SOX5: variants seen among roughly 807,000 people sequenced by gnomAD.
SOX5 encodes the protein transcription factor SOX-5.
In SOX5, 9 loss-of-function variants were observed where a neutral mutation model predicts 92.0. The observed-to-expected ratio is 0.10, with a 90% CI of 0.06 to 0.17. The LOEUF is 0.17. Among genes scored for constraint, SOX5 ranks in the 10% least tolerant of loss-of-function variants. The pLI is 1.00. For missense variants in SOX5, 642 were observed against 944.5 expected, an observed-to-expected ratio of 0.68 and a Z score of 4.20; for synonymous variants, 344 against 336.3, an observed-to-expected ratio of 1.02 and a Z score of -0.25.
intron 4 of SOX5, among the ~76,000 whole-genome samples, chr12:24,144,530 G>A (rs916939131): frequency 7.2e-5 from 11 of 152,132 alleles, no homozygotes; most frequent in African/African-American, 2.2e-4. Flanking sequence ...GAAAAGCCAA[G>A]TACAGCAGCT....
intron 8 of SOX5, among the ~76,000 whole-genome samples, chr12:23,605,247 C>T (rs2075098143): frequency 6.6e-6 from 1 of 151,798 alleles, no homozygotes. Context: ...ATAAAATTGT[C>T]CAAGTAATTA....
chr12:24,500,833 T>C (rs1948122258), intron 1 of SOX5, among the ~76,000 whole-genome samples: 2 of 152,160 alleles, frequency 1.3e-5, no homozygotes, highest in Non-Finnish European at 2.9e-5. Flanking sequence ...TCATGCCCTG[T>C]ATAAAAAGGA....
rs145726707 is a variant in SOX5, at chr12:24,415,096, C to T, written c.-250-46457G>A. On this transcript the variant is annotated intron_variant, in intron 1 of 4. Coordinates refer to the SOX5 transcript ENST00000446891. ...TTTTTCACTAGTTCTCTGTGTAAAT[C>T]CCCCCCTGCTAATTTAGAAAAGGCT... Among the ~76,000 whole-genome samples, 232 of 152,176 alleles carry T rather than the reference C, an allele frequency of 1.5e-3. 1 individual carries two copies. Among genetic ancestry groups the T allele is most frequent in the African/African-American group, 5.0e-3 (206 of 41,538 alleles).
chr12:24,112,668 C>G (rs1413401303), intron 4 of SOX5, among the ~76,000 whole-genome samples: 1 of 151,298 alleles, frequency 6.6e-6, no homozygotes, highest in African/African-American at 2.4e-5. Flanking sequence ...GTAGCTGGGA[C>G]TACAGGCATG....
At chr12:24,449,613 C>T (rs933790539) in intron 1 of SOX5, among the ~76,000 whole-genome samples, 3 of 151,962 alleles carry the variant, frequency 2.0e-5, no homozygotes, top group Admixed American at 1.3e-4. Flanking sequence ...GCATCAGACC[C>T]AAAACAGGGC....
intron 9 of SOX5, chr12:23,603,963 C>G: frequency 6.2e-6 from 1 of 160,238 alleles, no homozygotes; most frequent in South Asian, 1.7e-4. Flanking sequence ...CTCTGGCAAA[C>G]TCCTGATGGG....
At chr12:24,128,566 G>A (rs986449238) in intron 4 of SOX5, among the ~76,000 whole-genome samples, 1 of 152,168 alleles carries the variant, frequency 6.6e-6, no homozygotes, top group Non-Finnish European at 1.5e-5. Flanking sequence ...CAGACGTGGT[G>A]AGGCAGATGT....
intron 1 of SOX5, among the ~76,000 whole-genome samples, chr12:24,380,832 A>G (rs1372669085): frequency 6.6e-6 from 1 of 152,236 alleles, no homozygotes; most frequent in Non-Finnish European, 1.5e-5. Flanking sequence ...TCTACAGCAT[A>G]GTTCATATGA....
At chr12:23,873,842 T>C (rs188654209) in intron 2 of SOX5, among the ~76,000 whole-genome samples, 1 of 152,318 alleles carries the variant, frequency 6.6e-6, no homozygotes, top group East Asian at 1.9e-4. Flanking sequence ...AAAAGCCACA[T>C]GTGGTTAACT....
At chr12:24,290,853 C>T (rs1178840505) in intron 2 of SOX5, among the ~76,000 whole-genome samples, 2 of 152,070 alleles carry the variant, frequency 1.3e-5, no homozygotes, top group African/African-American at 2.4e-5. Flanking sequence ...ATAATGAAGG[C>T]GAGTCTTAAA....
chr12:23,926,263 C>G (rs1226074828), intron 1 of SOX5, among the ~76,000 whole-genome samples: 1 of 151,996 alleles, frequency 6.6e-6, no homozygotes, highest in Non-Finnish European at 1.5e-5. Flanking sequence ...ATTTCTCTCA[C>G]CAAATAAATT....
At chr12:24,339,520 T>C (rs968267176) in intron 2 of SOX5, among the ~76,000 whole-genome samples, 5 of 152,060 alleles carry the variant, frequency 3.3e-5, no homozygotes, top group Non-Finnish European at 7.4e-5. Flanking sequence ...TTGTTAGAGA[T>C]TGGGGGACTT....
intron 3 of SOX5, among the ~76,000 whole-genome samples, chr12:23,833,526 C>T (rs891796454): frequency 2.6e-5 from 4 of 151,932 alleles, no homozygotes; most frequent in African/African-American, 7.2e-5. Context: ...GGCCACTAAT[C>T]CATAGGTAAC....
At chr12:24,106,729 T>C (rs1946715333) in intron 4 of SOX5, among the ~76,000 whole-genome samples, 1 of 150,592 alleles carries the variant, frequency 6.6e-6, no homozygotes, top group Non-Finnish European at 1.5e-5. Flanking sequence ...GAGGCGGAGG[T>C]TGCAGTGAGC....
At chr12:23,843,125 T>C (rs2096537195) in intron 3 of SOX5, among the ~76,000 whole-genome samples, 1 of 152,104 alleles carries the variant, frequency 6.6e-6, no homozygotes, top group African/African-American at 2.4e-5. Flanking sequence ...AATAGAGAGA[T>C]ATCCTGCAAT....
chr12:23,607,028 A>T (rs1305864883), intron 8 of SOX5, among the ~76,000 whole-genome samples: 1 of 152,170 alleles, frequency 6.6e-6, no homozygotes, highest in African/African-American at 2.4e-5. Context: ...GATGGCTAAC[A>T]TTAGGTTGCT....
At chr12:24,531,102 T>C (rs1360700737) in intron 1 of SOX5, among the ~76,000 whole-genome samples, 5 of 152,200 alleles carry the variant, frequency 3.3e-5, no homozygotes, top group African/African-American at 1.2e-4. Context: ...ACTGTGCTAG[T>C]CTACAAGTGA....
intron 3 of SOX5, among the ~76,000 whole-genome samples, chr12:23,772,854 A>G (rs1184036336): frequency 6.6e-6 from 1 of 152,238 alleles, no homozygotes; most frequent in Admixed American, 6.5e-5. Flanking sequence ...CATCATGACC[A>G]TATTAAAAAG....
upstream of SOX5, among the ~76,000 whole-genome samples, chr12:23,955,012 G>A (rs1946109683): frequency 6.6e-6 from 1 of 152,018 alleles, no homozygotes; most frequent in Non-Finnish European, 1.5e-5. Context: ...TCATTTAATA[G>A]TCAAAACAAC....
Sources: allele counts gnomAD v4.1 joint callset (sites outside exome capture counted in the v4.1 genomes callset), GRCh38; gene constraint gnomAD v4.1.1; transcripts MANE v1.5; gene names NCBI Gene and HGNC (gene_info 2026-07-23, HGNC 2026-07-21).